Variants in SLC4A10 observed in about 807,000 individuals in gnomAD.
SLC4A10 encodes the protein sodium-driven chloride bicarbonate exchanger.
In SLC4A10, 42 loss-of-function variants were observed where a neutral mutation model predicts 137.7. The observed-to-expected ratio is 0.30, with a 90% CI of 0.24 to 0.39. The LOEUF (loss-of-function observed/expected upper bound fraction) is 0.39, where lower values mean the gene tolerates loss of function less well. Among genes scored for constraint, SLC4A10 ranks in the 10% least tolerant of loss-of-function variants. The pLI is 1.00. For missense variants in SLC4A10, 925 were observed against 1,355.0 expected, an observed-to-expected ratio of 0.68 and a Z score of 4.98; for synonymous variants, 474 against 464.1, an observed-to-expected ratio of 1.02 and a Z score of -0.27.
intron 21 of SLC4A10, among the ~76,000 whole-genome samples, chr2:161,960,434 T>C (rs116389710): frequency 6.8e-4 from 98 of 144,736 alleles, no homozygotes; most frequent in Non-Finnish European, 9.5e-4. Flanking sequence ...GAAGGCTATA[T>C]GAAGATGTAG....
chr2:161,811,093 C>A (rs1575077244), intron 3 of SLC4A10, among the ~76,000 whole-genome samples: 1 of 152,038 alleles, frequency 6.6e-6, no homozygotes, highest in African/African-American at 2.4e-5. Context: ...CTTGTTCAAC[C>A]TTGGATGGTT....
In SLC4A10 at chr2:161,624,503, A is replaced by G. The variant is rs748375068; in HGVS notation, c.-16A>G. Reference sequence around the variant, plus strand: ...CACTGCAGAGCAAGGTGCTTATTCCAGAGGCGTTACAAAACATGGAGATTA... The same window carrying G: ...CACTGCAGAGCAAGGTGCTTATTCCGGAGGCGTTACAAAACATGGAGATTA... On this transcript the variant is annotated 5_prime_UTR_variant, in exon 1 of 27. Coordinates refer to ENST00000446997, the MANE Select transcript of SLC4A10 (RefSeq NM_001178015.2). 6.4e-7 allele frequency: 1 copy of G among 1,552,996 alleles called. No homozygotes were observed. Among genetic ancestry groups the G allele is most frequent in the South Asian group, 1.2e-5 (1 of 84,080 alleles).
intron 15 of SLC4A10, among the ~76,000 whole-genome samples, chr2:161,923,827 T>TA (rs756978777): frequency 1.3e-5 from 2 of 150,340 alleles, no homozygotes; most frequent in Non-Finnish European, 3.0e-5. Context: ...AGTATAATAA[T>TA]AAAAAAAAGA....
intron 15 of SLC4A10, among the ~76,000 whole-genome samples, chr2:161,914,210 A>G (rs1490194988): frequency 2.0e-5 from 3 of 152,202 alleles, no homozygotes; most frequent in South Asian, 2.1e-4. Flanking sequence ...TGCATTTTAC[A>G]TTTATTATTT....
intron 1 of SLC4A10, chr2:161,708,627 G>A (rs939383702): frequency 7.0e-7 from 1 of 1,422,298 alleles, no homozygotes; most frequent in Non-Finnish European, 9.2e-7. Flanking sequence ...TATGTGATTT[G>A]ATATCTTGAT....
chr2:161,659,447 T>C (rs1482629669), intron 1 of SLC4A10, among the ~76,000 whole-genome samples: 4 of 152,126 alleles, frequency 2.6e-5, no homozygotes, highest in African/African-American at 9.7e-5. Flanking sequence ...GTGTATATTT[T>C]TCAGGTGATG....
chr2:161,675,108 G>A (rs564912112), intron 1 of SLC4A10, among the ~76,000 whole-genome samples: 7 of 152,198 alleles, frequency 4.6e-5, no homozygotes, highest in African/African-American at 1.4e-4. Flanking sequence ...TTGCAATCAG[G>A]CCAGTTCAAT....
chr2:161,708,672 T>A, intron 1 of SLC4A10: 1 of 1,499,064 alleles, frequency 6.7e-7, no homozygotes, highest in Non-Finnish European at 8.8e-7. Context: ...ACAGATCTGT[T>A]GTTTGATATT....
intron 26 of SLC4A10, among the ~76,000 whole-genome samples, chr2:161,979,913 C>A (rs777783878): frequency 1.3e-5 from 2 of 152,156 alleles, no homozygotes; most frequent in Non-Finnish European, 2.9e-5. Context: ...TTATATCATT[C>A]ACTTTTTGTT....
At chr2:161,971,676 C>T (rs1297749204) in intron 23 of SLC4A10, among the ~76,000 whole-genome samples, 1 of 152,210 alleles carries the variant, frequency 6.6e-6, no homozygotes, top group Non-Finnish European at 1.5e-5. Context: ...CAGAAAGCCT[C>T]AATTTTTGGC....
intron 1 of SLC4A10, among the ~76,000 whole-genome samples, chr2:161,734,424 C>T (rs936657195): frequency 6.6e-6 from 1 of 152,090 alleles, no homozygotes; most frequent in Non-Finnish European, 1.5e-5. Context: ...CTTGCCACTG[C>T]CATGTAAGAA....
At chr2:161,809,217 A>G (rs62187680) in intron 3 of SLC4A10, among the ~76,000 whole-genome samples, 10,074 of 151,894 alleles carry the variant, frequency 0.066, 436 homozygotes, top group East Asian at 0.15. Flanking sequence ...GCCCATTTTT[A>G]GTAGAATTAT....
chr2:161,673,123 T>A (rs2039916135), intron 1 of SLC4A10, among the ~76,000 whole-genome samples: 1 of 152,208 alleles, frequency 6.6e-6, no homozygotes, highest in Non-Finnish European at 1.5e-5. Flanking sequence ...GCTAACACTC[T>A]TGTTGAAGTA....
chr2:161,767,199 T>TATATATATACAC (rs2050975514), intron 1 of SLC4A10, among the ~76,000 whole-genome samples: 1 of 112,128 alleles, frequency 8.9e-6, no homozygotes, highest in Non-Finnish European at 1.8e-5. Flanking sequence ...TGTGTGTGTG[T>TATATATATACAC]GTGTATATAT....
chr2:161,791,748 T>C (rs1039087305), intron 2 of SLC4A10, among the ~76,000 whole-genome samples: 7 of 152,210 alleles, frequency 4.6e-5, no homozygotes, highest in South Asian at 2.1e-4. Flanking sequence ...TCAATTCATT[T>C]TGATATATAA....
intron 15 of SLC4A10, among the ~76,000 whole-genome samples, chr2:161,941,921 C>T (rs1239686968): frequency 6.6e-6 from 1 of 152,114 alleles, no homozygotes; most frequent in East Asian, 1.9e-4. Flanking sequence ...GAGCAAGAAC[C>T]ATATCTGTCT....
At chr2:161,768,443 G>C (rs1330129942) in intron 1 of SLC4A10, among the ~76,000 whole-genome samples, 1 of 151,998 alleles carries the variant, frequency 6.6e-6, no homozygotes, top group African/African-American at 2.4e-5. Context: ...TTTGGGGAAG[G>C]CTGTAAGAAA....
Position 161,658,596 on chromosome 2 carries a change from CTTTTT to C in SLC4A10, c.48+34043_48+34047del, listed in dbSNP as rs35686377. Among the ~76,000 whole-genome samples, 464 of 128,382 alleles carry C rather than the reference CTTTTT, an allele frequency of 3.6e-3. 2 individuals carry two copies. The highest frequency in any genetic ancestry group is 0.013 in the African/African-American group (446 of 34,304). 84.2% of individuals were successfully genotyped at this position (128,382 alleles called of 152,430 possible). ...ACCATGTGTTTAAGAAAATAGTTTC[CTTTTT>C]TTTTTTTTTTTTGATGGAGTCTTGC... On this transcript the variant is annotated intron_variant, in intron 1 of 26. Coordinates refer to ENST00000446997, the MANE Select transcript of SLC4A10 (RefSeq NM_001178015.2).
intron 15 of SLC4A10, among the ~76,000 whole-genome samples, chr2:161,913,154 C>T (rs909243855): frequency 6.6e-6 from 1 of 152,044 alleles, no homozygotes; most frequent in African/African-American, 2.4e-5. Flanking sequence ...AATAGTATAC[C>T]TCATCTTTGC....
Sources: allele counts gnomAD v4.1 joint callset (sites outside exome capture counted in the v4.1 genomes callset), GRCh38; gene constraint gnomAD v4.1.1; transcripts MANE v1.5; gene names NCBI Gene and HGNC (gene_info 2026-07-23, HGNC 2026-07-21).